Variants in FHIT observed in about 807,000 individuals in gnomAD.
FHIT encodes bis(5'-adenosyl)-triphosphatase.
FHIT carries 19 observed loss-of-function variants against 17.9 expected under a neutral mutation model. That is an observed-to-expected ratio of 1.06 (90% CI 0.74 to 1.56). The LOEUF (loss-of-function observed/expected upper bound fraction) is 1.56, where lower values mean the gene tolerates loss of function less well. Among genes scored for constraint, FHIT ranks in the 40% most tolerant of loss-of-function variants. The pLI is 0.00. For synonymous variants in FHIT, 81 were observed against 69.7 expected, an observed-to-expected ratio of 1.16 and a Z score of -0.81; for missense variants, 248 against 189.2, an observed-to-expected ratio of 1.31 and a Z score of -1.82.
At chr3:60,266,663 C>G (rs1330180494) in intron 5 of FHIT, among the ~76,000 whole-genome samples, 1 of 151,916 alleles carries the variant, frequency 6.6e-6, no homozygotes, top group Admixed American at 6.6e-5. Flanking sequence ...ATTGCGACAC[C>G]CCCTCATCCT....
chr3:61,118,955 A>G (rs2036377111), intron 2 of FHIT, among the ~76,000 whole-genome samples: 1 of 152,174 alleles, frequency 6.6e-6, no homozygotes, highest in Admixed American at 6.5e-5. Context: ...TTTGTGAAAC[A>G]AGCCAACAGA....
At chr3:60,735,294 C>T (rs2042112568) in intron 4 of FHIT, among the ~76,000 whole-genome samples, 1 of 152,188 alleles carries the variant, frequency 6.6e-6, no homozygotes, top group South Asian at 2.1e-4. Flanking sequence ...CCTCATTGTG[C>T]TGGTACCATC....
chr3:60,592,276 A>C (rs1455309457), intron 4 of FHIT, among the ~76,000 whole-genome samples: 2 of 148,560 alleles, frequency 1.3e-5, no homozygotes, highest in Admixed American at 6.8e-5. Context: ...CTCTATATAT[A>C]TATATATATA....
chr3:60,827,807 G>A (rs1171123192), intron 3 of FHIT, among the ~76,000 whole-genome samples: 1 of 152,220 alleles, frequency 6.6e-6, no homozygotes, highest in Non-Finnish European at 1.5e-5. Context: ...TATGGCCTCT[G>A]CTGCTACATT....
At chr3:60,445,481 G>GAA (rs35514185) in intron 5 of FHIT, among the ~76,000 whole-genome samples, 1 of 147,314 alleles carries the variant, frequency 6.8e-6, no homozygotes, top group African/African-American at 2.5e-5. Context: ...AGAAGAAGAA[G>GAA]AAAAAAAAAA....
In FHIT at chr3:60,419,268, A is replaced by T. The variant is rs749342485; in HGVS notation, c.103+117592T>A. On this transcript the variant is annotated intron_variant, in intron 5 of 9. Transcript: ENST00000492590. ...TTGTGATTTAATAGCCGTATAGCAC[A>T]TGCCTTAGCAAGTGTCGTCAACACT... Among the ~76,000 whole-genome samples, 159 of 152,198 alleles carry T rather than the reference A, an allele frequency of 1.0e-3. 3 individuals carry two copies. The highest frequency in any genetic ancestry group is 2.8e-4 in the Non-Finnish European group (19 of 68,036).
chr3:60,670,421 G>A (rs1170232175), intron 4 of FHIT, among the ~76,000 whole-genome samples: 1 of 152,134 alleles, frequency 6.6e-6, no homozygotes, highest in Admixed American at 6.5e-5. Flanking sequence ...ATTTCTCAGT[G>A]TCTCCTCCTT....
chr3:59,835,221 A>G (rs1348623565), intron 8 of FHIT, among the ~76,000 whole-genome samples: 1 of 152,178 alleles, frequency 6.6e-6, no homozygotes. Flanking sequence ...TCTTTAATAG[A>G]CTAAGCTTTA....
intron 4 of FHIT, among the ~76,000 whole-genome samples, chr3:60,713,334 C>A (rs1391788762): frequency 4.0e-5 from 6 of 150,216 alleles, no homozygotes; most frequent in African/African-American, 1.5e-4. Flanking sequence ...AGGAAAGATC[C>A]AAAATTGACA....
At chr3:60,134,322 T>A (rs1197599318) in intron 5 of FHIT, among the ~76,000 whole-genome samples, 1 of 152,188 alleles carries the variant, frequency 6.6e-6, no homozygotes, top group African/African-American at 2.4e-5. Flanking sequence ...CGCAGAGACA[T>A]CTGGAAAAAG....
chr3:61,132,632 G>C (rs928620614), intron 2 of FHIT, among the ~76,000 whole-genome samples: 1 of 152,176 alleles, frequency 6.6e-6, no homozygotes, highest in Non-Finnish European at 1.5e-5. Flanking sequence ...AAGAAGGATA[G>C]AGAAACCCAA....
chr3:60,206,426 A>ATC (rs1703193710), intron 5 of FHIT, among the ~76,000 whole-genome samples: 1 of 152,142 alleles, frequency 6.6e-6, no homozygotes, highest in Non-Finnish European at 1.5e-5. Flanking sequence ...CACCTGGCAA[A>ATC]TCTGGGTAGA....
intron 5 of FHIT, among the ~76,000 whole-genome samples, chr3:60,097,165 C>G (rs1703987495): frequency 6.6e-6 from 1 of 151,950 alleles, no homozygotes; most frequent in African/African-American, 2.4e-5. Flanking sequence ...AAATTTTAGT[C>G]CAGTTATTAC....
chr3:61,044,280 G>A (rs766261199), intron 2 of FHIT, among the ~76,000 whole-genome samples: 4 of 152,158 alleles, frequency 2.6e-5, no homozygotes, highest in Non-Finnish European at 5.9e-5. Flanking sequence ...GTGTAGAGAA[G>A]TCCTTAAATG....
intron 7 of FHIT, among the ~76,000 whole-genome samples, chr3:60,005,202 A>G (rs1015649283): frequency 6.6e-6 from 1 of 152,222 alleles, no homozygotes; most frequent in Admixed American, 6.5e-5. Flanking sequence ...TGAACAGGGA[A>G]AAAGTAAATA....
chr3:60,328,445 T>C (rs1709807208), intron 5 of FHIT, among the ~76,000 whole-genome samples: 1 of 152,188 alleles, frequency 6.6e-6, no homozygotes, highest in Non-Finnish European at 1.5e-5. Context: ...ATGTCTGACA[T>C]GACAGCAAGC....
intron 5 of FHIT, among the ~76,000 whole-genome samples, chr3:60,483,628 TC>T (rs374501198): frequency 6.6e-4 from 101 of 152,242 alleles, no homozygotes; most frequent in African/African-American, 2.3e-3. Flanking sequence ...ATATTCAACA[TC>T]CCTTCGTGTT....
At chr3:60,087,673 G>C (rs7645438) in intron 5 of FHIT, among the ~76,000 whole-genome samples, 6,223 of 152,260 alleles carry the variant, frequency 0.041, 184 homozygotes, top group Non-Finnish European at 0.058. Context: ...ATGCAGCCAA[G>C]TTATTTGCTA....
intron 5 of FHIT, among the ~76,000 whole-genome samples, chr3:60,279,882 A>G (rs1469476319): frequency 3.3e-5 from 5 of 151,984 alleles, no homozygotes; most frequent in African/African-American, 1.2e-4. Flanking sequence ...ATACAAAAAA[A>G]TTAGCCAGGT....
Sources: allele counts gnomAD v4.1 joint callset (sites outside exome capture counted in the v4.1 genomes callset), GRCh38; gene constraint gnomAD v4.1.1; transcripts MANE v1.5; gene names NCBI Gene and HGNC (gene_info 2026-07-23, HGNC 2026-07-21).